Variants in ALB observed in about 807,000 individuals in gnomAD.
ALB encodes albumin, also known as serum albumin.
Under a neutral mutation model 74.5 loss-of-function variants are expected in ALB, and 37 were observed. That is an observed-to-expected ratio of 0.50 (90% CI 0.38 to 0.65). The LOEUF is 0.65. ALB is among the 30% of genes least tolerant of loss of function. ALB has a pLI of 0.00. For missense variants in ALB, 685 were observed against 718.7 expected (o/e 0.95, Z 0.54); for synonymous variants, 249 against 251.6 (o/e 0.99, Z 0.10).
chr4:73,417,785 GCA>G, intron 11 of ALB, 116 bp downstream of exon 11: 1 of 994,216 alleles, frequency 1.0e-6, no homozygotes, highest in Non-Finnish European at 1.5e-6. Context: ...ATGTTTGTGT[GCA>G]TGTGTGTGTG....
intron 3 of ALB, 67 bp downstream of exon 3, chr4:73,406,828 T>A (rs1718741879): frequency 1.3e-6 from 2 of 1,573,492 alleles, no homozygotes. Flanking sequence ...TTCAAAGGAA[T>A]TTTTTTTAAG....
chr4:73,409,447 G>A lies in ALB; in HGVS notation c.575G>A (p.Cys192Tyr). The A allele has an allele frequency of 6.2e-7, 1 of 1,613,940 alleles. No individual in the cohort carries two copies. Among genetic ancestry groups the A allele is most frequent in the Non-Finnish European group, 8.5e-7 (1 of 1,179,876 alleles). The change falls in exon 5 of 15, where the codon TGT becomes TAT. Residue 192 changes from cysteine (C) to tyrosine (Y), a missense_variant. By Grantham distance (194) the Cys-to-Tyr change is radical. Transcript: ENST00000295897. ...AKRYKAAFTECCQAADKAACL... is the reference protein window; with the variant it reads ...AKRYKAAFTEYCQAADKAACL... ...AGGTATAAAGCTGCTTTTACAGAATGTTGCCAAGCTGCTGATAAAGCTGCC... is the reference window on the plus strand; with the variant it reads ...AGGTATAAAGCTGCTTTTACAGAATATTGCCAAGCTGCTGATAAAGCTGCC...
At chr4:73,415,672 A>G (rs1718995615) in intron 9 of ALB, among the ~76,000 whole-genome samples, 1 of 152,142 alleles carries the variant, frequency 6.6e-6, no homozygotes, top group Non-Finnish European at 1.5e-5. Flanking sequence ...AGCATATGTA[A>G]TGGTTTCTGA....
intron 7 of ALB, among the ~76,000 whole-genome samples, chr4:73,412,420 T>A (rs996765209): frequency 1.3e-5 from 2 of 152,148 alleles, no homozygotes; most frequent in Non-Finnish European, 2.9e-5. Context: ...TGGCAGAACA[T>A]CTTGCAAGGT....
At chr4:73,412,414 A>G (rs1238203522) in intron 7 of ALB, among the ~76,000 whole-genome samples, 1 of 152,192 alleles carries the variant, frequency 6.6e-6, no homozygotes, top group Non-Finnish European at 1.5e-5. Flanking sequence ...TTTACTTGGC[A>G]GAACATCTTG....
chr4:73,405,009 A>C, intron 1 of ALB, 107 bp from the exon 2 acceptor site: 2 of 1,092,378 alleles, frequency 1.8e-6, no homozygotes, highest in Non-Finnish European at 2.7e-6. Flanking sequence ...CAATATTTTG[A>C]AACAAATGCA....
At chr4:73,418,576 T>C (rs2149329767) in intron 12 of ALB, among the ~76,000 whole-genome samples, 2 of 152,266 alleles carry the variant, frequency 1.3e-5, no homozygotes, top group East Asian at 3.9e-4. Flanking sequence ...CCATATTCAG[T>C]AGAAAAAGAT....
intron 4 of ALB, chr4:73,409,047 G>A: frequency 1.7e-6 from 1 of 574,456 alleles, no homozygotes; most frequent in Non-Finnish European, 3.1e-6. Context: ...ATTTAAGATA[G>A]ACAAATTATT....
chr4:73,413,742 A>G (rs896656800), intron 8 of ALB, 108 bp downstream of exon 8: 15 of 1,057,376 alleles, frequency 1.4e-5, no homozygotes, highest in Non-Finnish European at 2.0e-5. Context: ...GCTGCCCAGA[A>G]TGTTTCTTCA....
chr4:73,420,124 TA>T (rs1719108381), intron 13 of ALB, 129 bp from the exon 14 acceptor site: 2 of 825,346 alleles, frequency 2.4e-6, no homozygotes, highest in Non-Finnish European at 4.0e-6. Flanking sequence ...ATTATAGTAG[TA>T]AATTGTAATT....
intron 3 of ALB, among the ~76,000 whole-genome samples, chr4:73,407,227 A>G (rs748638217): frequency 8.5e-5 from 13 of 152,136 alleles, no homozygotes; most frequent in Non-Finnish European, 1.3e-4. Flanking sequence ...ATCTTGCTGT[A>G]TTAAAACTTT....
chr4:73,404,385 G>A lies in ALB; in HGVS notation c.58G>A (p.Gly20Ser). ...LFLFSSAYSR[G>S]VFRRDAHKSE... ...TCTCTTTAGCTCGGCTTATTCCAGGGGTGTGTTTCGTCGAGATGCACGTAA... is the reference window on the plus strand; with the variant it reads ...TCTCTTTAGCTCGGCTTATTCCAGGAGTGTGTTTCGTCGAGATGCACGTAA... Residue 20 changes from glycine (G) to serine (S), a missense_variant, in exon 1 of 15, where the codon GGT becomes AGT. Transcript: ENST00000295897. 2 of 1,613,298 alleles carry A rather than the reference G, an allele frequency of 1.2e-6. No individual in the cohort carries two copies.
In ALB at chr4:73,413,401, T is replaced by TCCA. The variant is rs1221277012; in HGVS notation, c.844-15_844-13dup. 5 of 1,602,010 alleles carry TCCA rather than the reference T, an allele frequency of 3.1e-6. No individual in the cohort carries two copies. Among genetic ancestry groups the TCCA allele is most frequent in the Non-Finnish European group, 4.3e-6 (5 of 1,169,220 alleles). On this transcript the variant is annotated intron_variant, in intron 7 of 14. Coordinates refer to ENST00000295897, the MANE Select transcript of ALB (RefSeq NM_000477.7). ...CAATGTCAATTCGTGTTGAACAATT[T>TCCA]CCACCAACTTACTTATAGGCGGACC...
At position 73,417,577 on chromosome 4, in the gene ALB, A is replaced by G. The variant is rs769006579; in HGVS notation, c.1336A>G (p.Thr446Ala). The part of the protein sequence containing the change: ...TKKVPQVSTP[T>A]LVEVSRNLGK... ...GAAAGTACCCCAAGTGTCAACTCCA[A>G]CTCTTGTAGAGGTCTCAAGAAACCT... is the stretch of plus-strand genomic sequence containing the variant. The change falls in exon 11 of 15, where the codon ACT (threonine) becomes GCT (alanine). Residue 446 changes from threonine to alanine, a missense_variant. Transcript: ENST00000295897. 3 of 1,613,830 alleles carry G rather than the reference A, an allele frequency of 1.9e-6. No homozygotes were observed. Among genetic ancestry groups the G allele is most frequent in the South Asian group, 1.1e-5 (1 of 91,070 alleles).
At position 73,409,399 on chromosome 4, in the gene ALB, C is replaced by A; in HGVS notation, c.527C>A (p.Pro176Gln). 6.2e-7 allele frequency: 1 copy of A among 1,613,922 alleles called. No homozygotes were observed. The highest frequency in any genetic ancestry group is 8.5e-7 in the Non-Finnish European group (1 of 1,179,856). The change falls in exon 5 of 15, where the codon CCG becomes CAG. Residue 176 changes from proline to glutamine, a missense_variant. Coordinates refer to ENST00000295897, the MANE Select transcript of ALB (RefSeq NM_000477.7). ...IARRHPYFYA[P>Q]ELLFFAKRYK... ...AGAAGACATCCTTACTTTTATGCCC[C>A]GGAACTCCTTTTCTTTGCTAAAAGG...
At position 73,408,579 on chromosome 4, in the gene ALB, C is replaced by T; in HGVS notation, c.271-15C>T. ...GGTACTGTCCAGCAACTGAAACCTG[C>T]TTTCTTCCATTTAGCATACCCTTTT... On this transcript the variant is annotated splice_polypyrimidine_tract_variant and intron_variant, in intron 3 of 14. Transcript: ENST00000295897. 2 of 1,612,070 alleles carry T rather than the reference C, an allele frequency of 1.2e-6. No homozygotes were observed. The highest frequency in any genetic ancestry group is 1.7e-6 in the Non-Finnish European group (2 of 1,178,432).
At chr4:73,415,634 G>A (rs1207349371) in intron 9 of ALB, among the ~76,000 whole-genome samples, 2 of 152,082 alleles carry the variant, frequency 1.3e-5, no homozygotes, top group African/African-American at 4.8e-5. Flanking sequence ...GAGGAAATCT[G>A]TTCTGGAGGA....
At chr4:73,414,098 A>C (rs140904218) in intron 8 of ALB, among the ~76,000 whole-genome samples, 1 of 152,352 alleles carries the variant, frequency 6.6e-6, no homozygotes, top group East Asian at 1.9e-4. Flanking sequence ...TATTTGGTGA[A>C]AAGACCAGAA....
intron 7 of ALB, among the ~76,000 whole-genome samples, chr4:73,412,955 T>C (rs1240398684): frequency 6.6e-6 from 1 of 152,220 alleles, no homozygotes; most frequent in Non-Finnish European, 1.5e-5. Context: ...GGGCAAATAC[T>C]AGAATCCTAA....
Sources: allele counts gnomAD v4.1 joint callset (sites outside exome capture counted in the v4.1 genomes callset), GRCh38; gene constraint gnomAD v4.1.1; transcripts MANE v1.5; gene names NCBI Gene and HGNC (gene_info 2026-07-23, HGNC 2026-07-21).